The following MRS2 variants were observed in gnomAD, a reference collection of about 807,000 sequenced individuals.
MRS2 encodes magnesium transporter MRS2 homolog, mitochondrial.
In MRS2, 40 loss-of-function variants were observed where a neutral mutation model predicts 52.6. The observed-to-expected ratio is 0.76, with a 90% CI of 0.59 to 0.99. The LOEUF (loss-of-function observed/expected upper bound fraction) is 0.99, where lower values mean the gene tolerates loss of function less well. MRS2 is among the 50% of genes least tolerant of loss of function. The probability of loss-of-function intolerance (pLI) is 0.00; values close to 1 mark genes in which losing one functional copy is unlikely to be tolerated. For missense variants in MRS2, 472 were observed against 532.7 expected, an observed-to-expected ratio of 0.89 and a Z score of 1.12; for synonymous variants, 193 against 195.9, an observed-to-expected ratio of 0.98 and a Z score of 0.13.
At chr6:24,414,980 A>C in intron 5 of MRS2, 53 bp from the exon 6 acceptor site, 1 of 1,493,780 alleles carries the variant, frequency 6.7e-7, no homozygotes, top group Non-Finnish European at 9.1e-7. Flanking sequence ...ACTGATCCTG[A>C]ATATTCTAAA....
intron 3 of MRS2, 148 bp downstream of exon 3, chr6:24,408,592 T>G: frequency 1.6e-6 from 1 of 639,992 alleles, no homozygotes; most frequent in Non-Finnish European, 2.8e-6. Flanking sequence ...TCCATCAGTC[T>G]TAATTGGAGC....
chr6:24,404,293 C>CT lies in MRS2; in HGVS notation c.191-874dup, dbSNP rs1174732823. On this transcript the variant is annotated intron_variant, in intron 1 of 10. Transcript: ENST00000378386. ...TCACAATCTCAATCCCGGTTACACT[C>CT]TAATTTGTGACATTAAAACATTGAA... 1.6e-4 allele frequency among the ~76,000 whole-genome samples: 25 copies of CT among 152,324 alleles called. No individual in the cohort carries two copies. The East Asian group carries it at 2.5e-3, about 15-fold the overall frequency.
rs1761801665 is a variant in MRS2 at position 24,415,075 on chromosome 6, A to AT, written c.632dup (p.Leu212ProfsTer2). 6.2e-7 allele frequency: 1 copy of AT among 1,611,822 alleles called. No individual in the cohort carries two copies. Among genetic ancestry groups the AT allele is most frequent in the Non-Finnish European group, 8.5e-7 (1 of 1,178,278 alleles). On this transcript the variant is annotated frameshift_variant, in exon 6 of 11. Transcript: ENST00000378386. LOFTEE classifies it high-confidence loss of function. Reference sequence around the variant, plus strand: ...GAAACTTAGCATTTTGCAGCCACTGATCCTTGAGACCTTGGATGCTTTGGT... The same window carrying AT: ...GAAACTTAGCATTTTGCAGCCACTGATTCCTTGAGACCTTGGATGCTTTGGT...
chr6:24,419,748 G>A (rs1761979795), intron 9 of MRS2, among the ~76,000 whole-genome samples: 1 of 152,202 alleles, frequency 6.6e-6, no homozygotes, highest in Non-Finnish European at 1.5e-5. Context: ...CAGTATCCAA[G>A]AAGAATTGGT....
chr6:24,410,514 G>C (rs993742003), intron 4 of MRS2, among the ~76,000 whole-genome samples: 1 of 151,916 alleles, frequency 6.6e-6, no homozygotes, highest in Non-Finnish European at 1.5e-5. Flanking sequence ...CATTTTTCTA[G>C]AACTAATCAA....
At chr6:24,410,636 C>T in intron 4 of MRS2, 1 of 1,012,458 alleles carries the variant, frequency 9.9e-7, no homozygotes, top group East Asian at 2.8e-5. Context: ...GCCTAAGCAA[C>T]ATAGCAAGAT....
chr6:24,417,637 C>T (rs1761893118), intron 7 of MRS2, among the ~76,000 whole-genome samples: 2 of 152,092 alleles, frequency 1.3e-5, no homozygotes, highest in Non-Finnish European at 2.9e-5. Context: ...CACAGATTGG[C>T]CACAACAATA....
intron 2 of MRS2, among the ~76,000 whole-genome samples, chr6:24,405,725 G>A (rs887531815): frequency 6.8e-6 from 1 of 147,150 alleles, no homozygotes; most frequent in South Asian, 2.2e-4. Context: ...GACTCTAGGT[G>A]AAAGCTCTAT....
rs750193008 is a variant in MRS2, at chr6:24,403,181, G to A, written c.135G>A (p.Leu45=). 1.2e-5 allele frequency: 19 copies of A among 1,606,740 alleles called. No homozygotes were observed. Among genetic ancestry groups the A allele is most frequent in the African/African-American group, 2.7e-5 (2 of 74,914 alleles). Residue 45 remains leucine (L), a synonymous_variant, in exon 1 of 11, where the codon CTG becomes CTA. Transcript: ENST00000378386. ...CTGCCTGCGGCCGCCGAGCCAACCT[G>A]ATTGGAAGGAGCCGAGCGGCGCAGC... ...PVAACGRRAN[L]IGRSRAAQLC...
intron 8 of MRS2, 26 bp downstream of exon 8, chr6:24,418,262 G>GT (rs1394262082): frequency 3.3e-6 from 5 of 1,522,588 alleles, no homozygotes; most frequent in African/African-American, 1.4e-5. Flanking sequence ...ATAAAACTAA[G>GT]TTTTTTTAAT....
chr6:24,415,015 G>A lies in MRS2; in HGVS notation c.589-18G>A. ...AAAGATTGTTTTAATTCTTATGAAAGGTCATGTTGTTATCTAGATCAACAC... is the reference window on the plus strand; with the variant it reads ...AAAGATTGTTTTAATTCTTATGAAAAGTCATGTTGTTATCTAGATCAACAC... On this transcript the variant is annotated intron_variant, in intron 5 of 10. Transcript: ENST00000378386. 6.4e-7 allele frequency: 1 copy of A among 1,558,620 alleles called. No homozygotes were observed. Among genetic ancestry groups the A allele is most frequent in the Non-Finnish European group, 8.7e-7 (1 of 1,143,840 alleles).
chr6:24,415,767 CTGAGA>C (rs1412568927), intron 6 of MRS2, among the ~76,000 whole-genome samples: 6 of 152,150 alleles, frequency 3.9e-5, no homozygotes, highest in South Asian at 2.1e-4. Context: ...ATTTATGTTT[CTGAGA>C]TAAGTAATGT....
At chr6:24,404,459 TCAGA>T (rs1761394550) in intron 1 of MRS2, among the ~76,000 whole-genome samples, 1 of 152,142 alleles carries the variant, frequency 6.6e-6, no homozygotes, top group African/African-American at 2.4e-5. Flanking sequence ...AGAAAAAAGA[TCAGA>T]AATAGGTTTT....
Position 24,424,792 on chromosome 6 carries a change from C to G in MRS2, c.*1098C>G, listed in dbSNP as rs1468836892. The stretch of plus-strand genomic sequence containing the variant: ...TAATAACAGAATAAATACACTTACC[C>G]TGATGATATTGAGGGTACATGATTA... On this transcript the variant is annotated 3_prime_UTR_variant, in exon 11 of 11. Coordinates refer to ENST00000378386, the MANE Select transcript of MRS2 (RefSeq NM_020662.4). The G allele has an allele frequency of 2.0e-5, 3 of 152,188 alleles. No individual in the cohort carries two copies. Among genetic ancestry groups the G allele is most frequent in the African/African-American group, 7.2e-5 (3 of 41,440 alleles). 9.4% of individuals were successfully genotyped at this position (152,188 alleles called of 1,614,324 possible).
chr6:24,408,862 G>A (rs1219946840), intron 3 of MRS2, among the ~76,000 whole-genome samples: 2 of 151,974 alleles, frequency 1.3e-5, no homozygotes, highest in African/African-American at 4.8e-5. Flanking sequence ...AGATGAACAG[G>A]GCCATGTCAC....
In MRS2 at chr6:24,418,134, T is replaced by G; in HGVS notation, c.887T>G (p.Leu296Trp). 6.2e-7 allele frequency: 1 copy of G among 1,613,782 alleles called. No homozygotes were observed. The highest frequency in any genetic ancestry group is 8.5e-7 in the Non-Finnish European group (1 of 1,179,826). Reference sequence around the variant, plus strand: ...CATGCAGAAGAGATGGAGTTGCTGTTGGAAAACTACTACCGATTGGCTGAC... The same window carrying G: ...CATGCAGAAGAGATGGAGTTGCTGTGGGAAAACTACTACCGATTGGCTGAC... ...IDHAEEMELL[L>W]ENYYRLADDL... Residue 296 changes from leucine to tryptophan, a missense_variant, in exon 8 of 11, where the codon TTG becomes TGG. Transcript: ENST00000378386.
intron 6 of MRS2, among the ~76,000 whole-genome samples, chr6:24,416,125 G>A (rs116557510): frequency 0.018 from 2,694 of 152,206 alleles, 90 homozygotes; most frequent in Non-Finnish European, 0.017. Context: ...AGATCTCACT[G>A]TTGTCCAGGA....
intron 2 of MRS2, among the ~76,000 whole-genome samples, chr6:24,406,176 T>C (rs75437003): frequency 0.12 from 18,626 of 151,766 alleles, 1,478 homozygotes; most frequent in East Asian, 0.16. Context: ...CTGCCTCTTA[T>C]TGACTAGGTG....
In MRS2 at chr6:24,406,460, G is replaced by A. The variant is rs569706311; in HGVS notation, c.264+1219G>A. On this transcript the variant is annotated intron_variant, in intron 2 of 10. Transcript: ENST00000378386. ...CACTGTTATTCATTGTTCTGGAAGA[G>A]TTGGCCAATTTAGTTAAGAATACAA... 7.2e-5 allele frequency among the ~76,000 whole-genome samples: 11 copies of A among 152,200 alleles called. No individual in the cohort carries two copies. In the East Asian group the frequency reaches 1.9e-3, roughly 27 times the overall value.
Sources: allele counts gnomAD v4.1 joint callset (sites outside exome capture counted in the v4.1 genomes callset), GRCh38; gene constraint gnomAD v4.1.1; transcripts MANE v1.5; gene names NCBI Gene and HGNC (gene_info 2026-07-23, HGNC 2026-07-21).